The following SCHIP1 variants were observed in gnomAD, a reference collection of about 807,000 sequenced individuals.
SCHIP1 encodes the protein schwannomin interacting protein 1.
In SCHIP1, 8 loss-of-function variants were observed where a neutral mutation model predicts 29.7. The ratio of observed to expected loss-of-function variants is 0.27; its 90% CI spans 0.16 to 0.49. SCHIP1 has a LOEUF of 0.49. Among genes scored for constraint, SCHIP1 ranks in the 20% least tolerant of loss-of-function variants. The pLI, the probability that SCHIP1 is intolerant of heterozygous loss-of-function variation, is 0.99. For missense variants in SCHIP1, 193 were observed against 294.6 expected, an observed-to-expected ratio of 0.66 and a Z score of 2.52; for synonymous variants, 76 against 94.9, an observed-to-expected ratio of 0.80 and a Z score of 1.16.
the SCHIP1 span, among the ~76,000 whole-genome samples, chr3:159,751,225 T>C: frequency 6.6e-6 from 1 of 152,228 alleles, no homozygotes; most frequent in African/African-American, 2.4e-5. Context: ...TGTCATTTAC[T>C]CTTTATGGCC....
the SCHIP1 span, chr3:159,722,023 C>T: frequency 2.8e-6 from 1 of 361,944 alleles, no homozygotes; most frequent in Non-Finnish European, 5.4e-6. Flanking sequence ...AGCTCTGTCT[C>T]AACGTACTTT....
the SCHIP1 span, among the ~76,000 whole-genome samples, chr3:159,714,278 C>A: frequency 1.2e-3 from 186 of 152,112 alleles, no homozygotes; most frequent in African/African-American, 4.4e-3. Context: ...TCCAAGATGG[C>A]CGAATAGGAA....
the SCHIP1 span, among the ~76,000 whole-genome samples, chr3:159,325,653 T>G: frequency 6.6e-6 from 1 of 152,032 alleles, no homozygotes; most frequent in African/African-American, 2.4e-5. Context: ...TTTCTTCCTT[T>G]TCTTGTCACC....
the SCHIP1 span, among the ~76,000 whole-genome samples, chr3:159,778,376 A>T: frequency 6.6e-6 from 1 of 152,202 alleles, no homozygotes; most frequent in African/African-American, 2.4e-5. Flanking sequence ...CAAAGATAGT[A>T]CACAGAGTTC....
At chr3:159,427,500 G>T in the SCHIP1 span, among the ~76,000 whole-genome samples, 1 of 152,050 alleles carries the variant, frequency 6.6e-6, no homozygotes, top group African/African-American at 2.4e-5. Context: ...GGATGTGAAG[G>T]ACCTCTTCAA....
the SCHIP1 span, among the ~76,000 whole-genome samples, chr3:159,485,244 C>G: frequency 6.6e-6 from 1 of 152,188 alleles, no homozygotes; most frequent in Non-Finnish European, 1.5e-5. Flanking sequence ...GCCAGCCTGC[C>G]TGGGGTCAGG....
At chr3:159,748,608 C>T in the SCHIP1 span, among the ~76,000 whole-genome samples, 837 of 152,298 alleles carry the variant, frequency 5.5e-3, 3 homozygotes, top group African/African-American at 0.019. Flanking sequence ...ATGGGAGCAA[C>T]GTTTGGGCAA....
At chr3:159,704,417 T>TAAAAA in the SCHIP1 span, among the ~76,000 whole-genome samples, 38 of 92,638 alleles carry the variant, frequency 4.1e-4, no homozygotes, top group African/African-American at 1.1e-3. Flanking sequence ...CAATTTTTTC[T>TAAAAA]AAAAAAAAAA....
At chr3:159,511,491 A>G in the SCHIP1 span, among the ~76,000 whole-genome samples, 3 of 152,270 alleles carry the variant, frequency 2.0e-5, no homozygotes, top group East Asian at 3.9e-4. Flanking sequence ...CCACTGTTCA[A>G]TGAGCCCCAG....
the SCHIP1 span, among the ~76,000 whole-genome samples, chr3:159,685,996 T>C: frequency 6.6e-6 from 1 of 152,206 alleles, no homozygotes; most frequent in East Asian, 1.9e-4. Context: ...CTATTTGGAC[T>C]GTGAAACTGA....
At chr3:159,460,995 G>T in the SCHIP1 span, among the ~76,000 whole-genome samples, 2 of 152,074 alleles carry the variant, frequency 1.3e-5, no homozygotes, top group Admixed American at 6.6e-5. Context: ...TTCACAACTT[G>T]ACCTGTTTCA....
chr3:159,440,136 C>G, the SCHIP1 span, among the ~76,000 whole-genome samples: 2 of 152,106 alleles, frequency 1.3e-5, no homozygotes, highest in Non-Finnish European at 2.9e-5. Context: ...CTAGTTCTCC[C>G]TGCACCATTT....
chr3:159,889,892 C>G (rs574030048), intron 5 of SCHIP1, among the ~76,000 whole-genome samples: 2 of 151,980 alleles, frequency 1.3e-5, no homozygotes, highest in Non-Finnish European at 2.9e-5. Context: ...GTCAGGAGAT[C>G]GAGACCATCC....
chr3:159,367,235 A>G, the SCHIP1 span, among the ~76,000 whole-genome samples: 1 of 152,138 alleles, frequency 6.6e-6, no homozygotes, highest in Non-Finnish European at 1.5e-5. Context: ...TCTACTAAAA[A>G]TACAAAATAA....
chr3:159,888,345 A>G lies in SCHIP1; in HGVS notation c.465+440A>G, dbSNP rs78730925. 74 of 212,804 alleles carry G rather than the reference A, an allele frequency of 3.5e-4. No homozygotes were observed. The East Asian group carries it at 7.1e-3, about 20-fold the overall frequency. 13.2% of individuals were successfully genotyped at this position (212,804 alleles called of 1,614,324 possible). ...TGCCATTGACCTGCTATGAAGTTCT[A>G]AGCAAGTTACTTAAGTCTCAGTTTT... On this transcript the variant is annotated intron_variant, in intron 4 of 6. Coordinates refer to ENST00000445224, the Ensembl canonical transcript of SCHIP1.
the SCHIP1 span, among the ~76,000 whole-genome samples, chr3:159,579,803 T>C: frequency 2.6e-5 from 4 of 152,358 alleles, 1 homozygote; most frequent in South Asian, 8.3e-4. Context: ...TTGTAATAAA[T>C]ACTGATGTTG....
chr3:159,737,693 A>G, the SCHIP1 span, among the ~76,000 whole-genome samples: 463 of 152,318 alleles, frequency 3.0e-3, no homozygotes, highest in Non-Finnish European at 5.5e-3. Context: ...AAGATATCAA[A>G]CTCAGATTTA....
chr3:159,764,800 A>T, the SCHIP1 span: 2 of 1,571,524 alleles, frequency 1.3e-6, no homozygotes, highest in Non-Finnish European at 8.6e-7. This position sits in a 1 kb window ranked among gnomAD's most constrained non-coding sequence, Gnocchi z 6.1. Context: ...GAGCGCCACC[A>T]CCGCCATGCC....
At chr3:159,336,976 C>A in the SCHIP1 span, among the ~76,000 whole-genome samples, 1 of 152,162 alleles carries the variant, frequency 6.6e-6, no homozygotes, top group East Asian at 1.9e-4. Context: ...TACCCATGAG[C>A]ATGGAATGTT....
Sources: allele counts gnomAD v4.1 joint callset (sites outside exome capture counted in the v4.1 genomes callset), GRCh38; gene constraint gnomAD v4.1.1; non-coding constraint Gnocchi (gnomAD v3.1); transcripts MANE v1.5; gene names NCBI Gene and HGNC (gene_info 2026-07-23, HGNC 2026-07-21).